LRRTM4: variants seen among roughly 807,000 people sequenced by gnomAD.
LRRTM4 encodes the protein leucine rich repeat transmembrane neuronal 4.
Under a neutral mutation model 47.6 loss-of-function variants are expected in LRRTM4, and 25 were observed. That is an observed-to-expected ratio of 0.53 (90% confidence interval 0.38 to 0.73). LRRTM4 has a LOEUF of 0.73. LRRTM4 is among the 30% of genes least tolerant of loss of function. The pLI is 0.00. For synonymous variants in LRRTM4, 311 were observed against 269.5 expected (o/e 1.15, Z -1.51); for missense variants, 638 against 713.4 (o/e 0.89, Z 1.20).
At chr2:77,507,511 A>T (rs1050104590) in intron 3 of LRRTM4, among the ~76,000 whole-genome samples, 8 of 152,114 alleles carry the variant, frequency 5.3e-5, no homozygotes, top group Non-Finnish European at 1.2e-4. Context: ...GAAAAGCCAC[A>T]CTGTGAGTGG....
chr2:76,791,015 G>C (rs146021215), intron 3 of LRRTM4, among the ~76,000 whole-genome samples: 1 of 152,246 alleles, frequency 6.6e-6, no homozygotes, highest in Admixed American at 6.5e-5. Context: ...GATAAGCTAG[G>C]ATGATGGTTA....
intron 3 of LRRTM4, among the ~76,000 whole-genome samples, chr2:76,795,283 C>G (rs1382096451): frequency 2.0e-5 from 3 of 152,122 alleles, no homozygotes; most frequent in South Asian, 2.1e-4. Context: ...ATTTCATATA[C>G]TTATTGTGTA....
intron 3 of LRRTM4, among the ~76,000 whole-genome samples, chr2:77,295,993 A>T (rs1325683330): frequency 6.6e-6 from 1 of 152,204 alleles, no homozygotes; most frequent in Non-Finnish European, 1.5e-5. Flanking sequence ...ATTTGTTTCC[A>T]GTGCTCTTAT....
At chr2:77,407,907 T>C (rs1182117338) in intron 3 of LRRTM4, among the ~76,000 whole-genome samples, 1 of 151,392 alleles carries the variant, frequency 6.6e-6, no homozygotes, top group Non-Finnish European at 1.5e-5. Context: ...GAAGAAATAG[T>C]GATTATCAAA....
intron 3 of LRRTM4, among the ~76,000 whole-genome samples, chr2:76,998,501 C>A (rs1042586447): frequency 1.3e-5 from 2 of 152,056 alleles, no homozygotes; most frequent in Non-Finnish European, 2.9e-5. Context: ...CCCTCCCCAA[C>A]ACACACAGAA....
chr2:76,797,801 G>T (rs1189714368), intron 3 of LRRTM4, among the ~76,000 whole-genome samples: 1 of 150,466 alleles, frequency 6.6e-6, no homozygotes, highest in African/African-American at 2.5e-5. Context: ...ACAAAAAAAG[G>T]CAGGGGTTGC....
chr2:77,032,138 A>C (rs1678681697), intron 3 of LRRTM4, among the ~76,000 whole-genome samples: 1 of 152,026 alleles, frequency 6.6e-6, no homozygotes, highest in South Asian at 2.1e-4. Flanking sequence ...TGCGCTTTCC[A>C]CCTGGCTCTG....
At chr2:77,481,492 T>C (rs573377817) in intron 3 of LRRTM4, among the ~76,000 whole-genome samples, 1 of 152,202 alleles carries the variant, frequency 6.6e-6, no homozygotes, top group Admixed American at 6.5e-5. Context: ...GACTCAAATA[T>C]AGAGGCTTCA....
chr2:77,245,886 A>T (rs1311117062), intron 3 of LRRTM4, among the ~76,000 whole-genome samples: 1 of 152,190 alleles, frequency 6.6e-6, no homozygotes, highest in African/African-American at 2.4e-5. Flanking sequence ...CTATGAAGCA[A>T]CATTTGTACT....
At chr2:76,975,916 T>G (rs1235757609) in intron 3 of LRRTM4, among the ~76,000 whole-genome samples, 1 of 151,874 alleles carries the variant, frequency 6.6e-6, no homozygotes, top group African/African-American at 2.4e-5. Flanking sequence ...CCTGTTTCTG[T>G]GTTTTTCCTA....
rs554392169 is a variant in LRRTM4, at chr2:76,883,853, A to G, written c.1552-134937T>C. On this transcript the variant is annotated intron_variant, in intron 3 of 3. Transcript: ENST00000409884. The stretch of plus-strand genomic sequence containing the variant: ...TTTTATACTGCTCTTAACCTAATCA[A>G]GATTTGGATATTTTATTGGTACCTG... 3.9e-5 allele frequency among the ~76,000 whole-genome samples: 6 copies of G among 152,116 alleles called. No individual in the cohort carries two copies. In the South Asian group the frequency reaches 1.2e-3, roughly 32 times the overall value.
At chr2:77,513,648 C>T (rs539828556) in intron 3 of LRRTM4, among the ~76,000 whole-genome samples, 105 of 152,166 alleles carry the variant, frequency 6.9e-4, no homozygotes, top group African/African-American at 2.5e-3. Context: ...GCACTGCAAC[C>T]TCTGCCTCCT....
At chr2:76,882,842 A>G (rs1210795394) in intron 3 of LRRTM4, among the ~76,000 whole-genome samples, 8 of 152,146 alleles carry the variant, frequency 5.3e-5, no homozygotes, top group Non-Finnish European at 1.5e-5. Flanking sequence ...CTCCAGAGCT[A>G]CAGACAGGAG....
intron 3 of LRRTM4, among the ~76,000 whole-genome samples, chr2:77,276,054 G>A (rs1051088826): frequency 1.1e-4 from 17 of 151,802 alleles, no homozygotes; most frequent in Middle Eastern, 3.4e-3. Context: ...AAATGTAAGC[G>A]GTAGAATCCC....
chr2:77,506,092 T>C (rs79797322), intron 3 of LRRTM4, among the ~76,000 whole-genome samples: 2 of 151,780 alleles, frequency 1.3e-5, no homozygotes, highest in East Asian at 1.9e-4. Flanking sequence ...TAAACTATAA[T>C]AGTGTTTGAA....
chr2:77,000,139 A>G (rs1677361881), intron 3 of LRRTM4, among the ~76,000 whole-genome samples: 2 of 144,746 alleles, frequency 1.4e-5, no homozygotes, highest in South Asian at 2.3e-4. Flanking sequence ...GATACGGAGA[A>G]AGAGTGGGAA....
At chr2:77,322,728 T>C (rs181998146) in intron 3 of LRRTM4, among the ~76,000 whole-genome samples, 1 of 150,722 alleles carries the variant, frequency 6.6e-6, no homozygotes, top group Admixed American at 6.7e-5. Context: ...AAGTGATATA[T>C]CTACAGTTCA....
intron 3 of LRRTM4, among the ~76,000 whole-genome samples, chr2:77,122,733 A>C (rs754091057): frequency 4.4e-4 from 67 of 151,838 alleles, no homozygotes; most frequent in Non-Finnish European, 7.2e-4. Flanking sequence ...TTAAAAAATA[A>C]ATTACAGAAC....
At chr2:77,126,077 A>G (rs1238139464) in intron 3 of LRRTM4, among the ~76,000 whole-genome samples, 2 of 151,858 alleles carry the variant, frequency 1.3e-5, no homozygotes, top group Non-Finnish European at 2.9e-5. Flanking sequence ...TTCTGCAATA[A>G]GATATTAAAA....
Sources: gnomAD v4.1 joint callset for allele counts (sites outside exome capture counted in the v4.1 genomes callset) on GRCh38, gnomAD v4.1.1 for gene constraint, MANE v1.5 for transcripts, NCBI Gene and HGNC (gene_info 2026-07-23, HGNC 2026-07-21) for gene names.